The following HEMK2 variants were observed in gnomAD, a reference collection of about 807,000 sequenced individuals.
HEMK2 encodes the protein HemK methyltransferase 2, ETF1 glutamine and histone H4 lysine.
the HEMK2 span, among the ~76,000 whole-genome samples, chr21:28,707,076 A>C: frequency 6.6e-6 from 1 of 152,150 alleles, no homozygotes; most frequent in African/African-American, 2.4e-5. Flanking sequence ...AAGGGCCTCA[A>C]AGTTCATGTG....
chr21:28,831,530 A>G, the HEMK2 span, among the ~76,000 whole-genome samples: 6 of 73,284 alleles, frequency 8.2e-5, no homozygotes, highest in African/African-American at 2.6e-4. Context: ...AAAGAAGGAA[A>G]GAAGGAAAGA....
chr21:28,601,997 A>G, the HEMK2 span, among the ~76,000 whole-genome samples: 4 of 152,330 alleles, frequency 2.6e-5, no homozygotes, highest in Non-Finnish European at 5.9e-5. Flanking sequence ...CAATGCTTCA[A>G]CCATTTAATT....
the HEMK2 span, among the ~76,000 whole-genome samples, chr21:28,589,824 T>A: frequency 6.6e-6 from 1 of 152,118 alleles, no homozygotes; most frequent in African/African-American, 2.4e-5. Flanking sequence ...AATCTAAAAA[T>A]TTTGGAGAAC....
At chr21:28,587,346 T>C in the HEMK2 span, among the ~76,000 whole-genome samples, 15 of 152,194 alleles carry the variant, frequency 9.9e-5, no homozygotes, top group Non-Finnish European at 2.2e-4. Context: ...CTAATCCTTA[T>C]AATAGTTGTG....
At chr21:28,748,376 T>C in the HEMK2 span, among the ~76,000 whole-genome samples, 3 of 152,262 alleles carry the variant, frequency 2.0e-5, no homozygotes, top group African/African-American at 4.8e-5. Flanking sequence ...AAAATAATTA[T>C]GAGTTCAGTT....
the HEMK2 span, among the ~76,000 whole-genome samples, chr21:28,839,662 G>C: frequency 6.6e-6 from 1 of 151,824 alleles, no homozygotes; most frequent in Non-Finnish European, 1.5e-5. Context: ...ACTAACAAAG[G>C]AGTCAAAAGA....
the HEMK2 span, among the ~76,000 whole-genome samples, chr21:28,583,038 ATAT>A: frequency 6.6e-6 from 1 of 152,198 alleles, no homozygotes; most frequent in Non-Finnish European, 1.5e-5. Context: ...TGACATAGTG[ATAT>A]TATTGGAAAA....
chr21:28,843,443 A>T, the HEMK2 span, among the ~76,000 whole-genome samples: 1 of 152,154 alleles, frequency 6.6e-6, no homozygotes, highest in Non-Finnish European at 1.5e-5. Context: ...TACAATTTGG[A>T]TTACAATCCA....
the HEMK2 span, among the ~76,000 whole-genome samples, chr21:28,723,088 C>A: frequency 6.6e-6 from 1 of 152,144 alleles, no homozygotes; most frequent in South Asian, 2.1e-4. Flanking sequence ...TAGCTCACTG[C>A]AGCCTCCAAC....
the HEMK2 span, among the ~76,000 whole-genome samples, chr21:28,826,588 T>C: frequency 6.6e-6 from 1 of 152,172 alleles, no homozygotes; most frequent in Non-Finnish European, 1.5e-5. Flanking sequence ...ATGTTTAAGA[T>C]GTTCTTCACT....
the HEMK2 span, among the ~76,000 whole-genome samples, chr21:28,650,605 T>C: frequency 6.6e-6 from 1 of 152,172 alleles, no homozygotes; most frequent in Non-Finnish European, 1.5e-5. Context: ...GAAGTACCTA[T>C]AGCCAACATC....
the HEMK2 span, among the ~76,000 whole-genome samples, chr21:28,656,708 C>A: frequency 6.6e-6 from 1 of 152,082 alleles, no homozygotes; most frequent in Non-Finnish European, 1.5e-5. Flanking sequence ...ATCTGCCTCA[C>A]AAAGGAGGCA....
At chr21:28,858,439 G>A in the HEMK2 span, among the ~76,000 whole-genome samples, 1 of 152,152 alleles carries the variant, frequency 6.6e-6, no homozygotes, top group African/African-American at 2.4e-5. Context: ...AATTTGGGTA[G>A]TACATTTTAG....
the HEMK2 span, among the ~76,000 whole-genome samples, chr21:28,616,899 C>T: frequency 0.59 from 89,002 of 151,944 alleles, 26,238 homozygotes; most frequent in East Asian, 0.82. Context: ...GTTACTTCAC[C>T]AATATTAAAT....
At chr21:28,619,847 G>T in the HEMK2 span, among the ~76,000 whole-genome samples, 1 of 152,140 alleles carries the variant, frequency 6.6e-6, no homozygotes, top group East Asian at 1.9e-4. Flanking sequence ...AGGAACTATT[G>T]TTCCCACAAA....
At chr21:28,630,590 T>G in the HEMK2 span, among the ~76,000 whole-genome samples, 1 of 151,834 alleles carries the variant, frequency 6.6e-6, no homozygotes, top group Non-Finnish European at 1.5e-5. Context: ...CATGGAATAC[T>G]ATGCAGCCAT....
the HEMK2 span, among the ~76,000 whole-genome samples, chr21:28,834,355 T>C: frequency 0.59 from 89,469 of 152,044 alleles, 28,314 homozygotes; most frequent in East Asian, 0.82. Context: ...AAGCAGAAAA[T>C]GGAGACCCTC....
the HEMK2 span, among the ~76,000 whole-genome samples, chr21:28,810,761 C>T: frequency 1.3e-5 from 2 of 152,168 alleles, no homozygotes. Context: ...CCACAGTATT[C>T]TCACTGTGGT....
chr21:28,761,019 GA>G, the HEMK2 span, among the ~76,000 whole-genome samples: 1 of 151,896 alleles, frequency 6.6e-6, no homozygotes, highest in Non-Finnish European at 1.5e-5. Context: ...TACATAATCA[GA>G]AAAAAATAAT....
Sources: allele counts gnomAD v4.1 joint callset (sites outside exome capture counted in the v4.1 genomes callset), GRCh38; gene constraint gnomAD v4.1.1; transcripts MANE v1.5; gene names NCBI Gene and HGNC (gene_info 2026-07-23, HGNC 2026-07-21).